Variants in AQR observed in about 807,000 individuals in gnomAD.
AQR encodes the protein aquarius intron-binding spliceosomal factor.
AQR carries 61 observed loss-of-function variants against 180.5 expected under a neutral mutation model. The ratio of observed to expected loss-of-function variants is 0.34; its 90% CI spans 0.28 to 0.42. AQR has a LOEUF of 0.42. Among genes scored for constraint, AQR ranks in the 10% least tolerant of loss-of-function variants. The pLI, the probability that AQR is intolerant of heterozygous loss-of-function variation, is 1.00. For synonymous variants in AQR, 551 were observed against 588.8 expected, an observed-to-expected ratio of 0.94 and a Z score of 0.93; for missense variants, 1,281 against 1,798.3, an observed-to-expected ratio of 0.71 and a Z score of 5.20.
chr15:34,920,735 G>T (rs1431009544), intron 13 of AQR, among the ~76,000 whole-genome samples: 1 of 152,168 alleles, frequency 6.6e-6, no homozygotes, highest in Non-Finnish European at 1.5e-5. Context: ...GAGGCAGGCA[G>T]ATCCCGGGGT....
At chr15:34,931,484 A>G (rs1279286207) in intron 11 of AQR, among the ~76,000 whole-genome samples, 2 of 152,030 alleles carry the variant, frequency 1.3e-5, no homozygotes, top group Non-Finnish European at 2.9e-5. Context: ...CTATGATCTC[A>G]TTGAAAGATA....
At position 34,860,172 on chromosome 15, in the gene AQR, A is replaced by C; in HGVS notation, c.4030-17T>G. ...CTCTCCATTCTAGAAGAAGGAAAAA[A>C]GAACGTTAAGTATCTAGTAAAACAA... On this transcript the variant is annotated splice_polypyrimidine_tract_variant and intron_variant, in intron 33 of 34. Coordinates refer to ENST00000156471, the MANE Select transcript of AQR (RefSeq NM_014691.3). 1.4e-6 allele frequency: 2 copies of C among 1,380,400 alleles called. No individual in the cohort carries two copies. Among genetic ancestry groups the C allele is most frequent in the Non-Finnish European group, 2.0e-6 (2 of 1,015,412 alleles). 85.5% of individuals were successfully genotyped at this position (1,380,400 alleles called of 1,614,324 possible).
intron 5 of AQR, among the ~76,000 whole-genome samples, chr15:34,945,667 T>C (rs368598467): frequency 1.7e-4 from 26 of 152,374 alleles, no homozygotes; most frequent in African/African-American, 5.8e-4. Flanking sequence ...TGAGCTCTAA[T>C]GTGCCCTGAG....
intron 5 of AQR, among the ~76,000 whole-genome samples, chr15:34,945,501 A>C (rs1894097019): frequency 1.3e-5 from 2 of 152,168 alleles, no homozygotes; most frequent in South Asian, 4.1e-4. Context: ...TCAAGGCCTA[A>C]TCACCAAAGT....
chr15:34,952,781 C>A, intron 4 of AQR, 104 bp downstream of exon 4: 1 of 801,920 alleles, frequency 1.2e-6, no homozygotes. Context: ...TATAAATCTT[C>A]ACAAATTTAG....
Position 34,906,641 on chromosome 15 carries a change from G to A in AQR, c.1735C>T (p.Arg579Trp), listed in dbSNP as rs1355094006. 12 of 1,613,856 alleles carry A rather than the reference G, an allele frequency of 7.4e-6. No individual in the cohort carries two copies. The highest frequency in any genetic ancestry group is 2.2e-5 in the East Asian group (1 of 44,878). Residue 579 changes from arginine to tryptophan, a missense_variant, in exon 18 of 35, where the codon CGG becomes TGG. Physicochemically the swap from Arg to Trp is moderately radical, Grantham distance 101. This residue lies in a region of AQR where 200 missense variants were observed against 293.4 expected (regional missense o/e 0.68). Transcript: ENST00000156471. ...ACCTGCTCAATAAAAGGTCTCCTCC[G>A]GTCAAACTTAGTGCCATAAGGTTTT... ...PTKPYGTKFDRRRPFIEQVGL... is the reference protein window; with the variant it reads ...PTKPYGTKFDWRRPFIEQVGL...
intron 15 of AQR, among the ~76,000 whole-genome samples, chr15:34,916,952 A>T (rs557673749): frequency 1.1e-3 from 174 of 152,008 alleles, no homozygotes; most frequent in Admixed American, 1.7e-3. Flanking sequence ...AGTAAAAGAC[A>T]TTTTTTTAAT....
At chr15:34,943,444 A>AAAAT (rs3062307) in intron 6 of AQR, 5,676 of 512,090 alleles carry the variant, frequency 0.011, 54 homozygotes, top group African/African-American at 0.029. Flanking sequence ...GTTTATGTTC[A>AAAAT]AAATAAATAA....
chr15:34,936,867 A>G (rs957444675), intron 9 of AQR, among the ~76,000 whole-genome samples: 6 of 152,126 alleles, frequency 3.9e-5, no homozygotes, highest in Non-Finnish European at 8.8e-5. Flanking sequence ...AGAGATATCA[A>G]TTTTTATTAC....
At chr15:34,906,387 G>T in intron 18 of AQR, 158 bp downstream of exon 18, 2 of 774,674 alleles carry the variant, frequency 2.6e-6, no homozygotes, top group South Asian at 2.0e-5. Flanking sequence ...ATCTAAAACT[G>T]CACGGTAGGT....
intron 14 of AQR, 79 bp downstream of exon 14, chr15:34,920,253 A>G (rs1020049898): frequency 1.8e-5 from 18 of 998,036 alleles, no homozygotes; most frequent in East Asian, 5.3e-5. Flanking sequence ...AAAAAAATCT[A>G]TATGAACCTA....
At chr15:34,890,115 T>C in intron 24 of AQR, 100 bp downstream of exon 24, 1 of 1,020,726 alleles carries the variant, frequency 9.8e-7, no homozygotes. Flanking sequence ...CCTTTCAGAA[T>C]TAAGTTTCAG....
chr15:34,965,863 G>A (rs780446210), intron 1 of AQR, among the ~76,000 whole-genome samples: 48 of 152,124 alleles, frequency 3.2e-4, no homozygotes, highest in Non-Finnish European at 6.8e-4. Context: ...TGTTATGATG[G>A]ACTCAGGAAA....
intron 9 of AQR, among the ~76,000 whole-genome samples, chr15:34,936,717 A>T (rs920314100): frequency 7.3e-6 from 1 of 137,434 alleles, no homozygotes; most frequent in African/African-American, 2.6e-5. Context: ...CTCCATCTTT[A>T]AAAAAAAAAA....
chr15:34,950,084 C>CT (rs1174370425), intron 4 of AQR, among the ~76,000 whole-genome samples: 2,055 of 74,150 alleles, frequency 0.028, 179 homozygotes, highest in African/African-American at 0.073. Context: ...TGCTATTTTC[C>CT]TTTTTTTTTT....
chr15:34,915,139 A>T lies in AQR; in HGVS notation c.1383T>A (p.Thr461=), dbSNP rs1482032917. 9 of 1,605,960 alleles carry T rather than the reference A, an allele frequency of 5.6e-6. No individual in the cohort carries two copies. The highest frequency in any genetic ancestry group is 7.6e-6 in the Non-Finnish European group (9 of 1,177,946). ...AGTTCCTTAGCAGGTAGTCATGAAG[A>T]GTCAAAAACTGCAAATTCAATTTGG... ...ALPKLNLQFL[T]LHDYLLRNFN... Residue 461 remains threonine, a synonymous_variant, in exon 16 of 35, where the codon ACT becomes ACA. Coordinates refer to ENST00000156471, the MANE Select transcript of AQR (RefSeq NM_014691.3).
chr15:34,864,271 C>T (rs74575687), intron 32 of AQR, among the ~76,000 whole-genome samples: 4,277 of 151,958 alleles, frequency 0.028, 193 homozygotes, highest in African/African-American at 0.093. Flanking sequence ...TCTTGTGCTA[C>T]GTGTATGTGT....
intron 4 of AQR, 39 bp downstream of exon 4, chr15:34,952,846 A>C: frequency 7.2e-7 from 1 of 1,380,028 alleles, no homozygotes; most frequent in Non-Finnish European, 1.0e-6. Flanking sequence ...AACTGAAATC[A>C]CATTATCTCT....
At chr15:34,945,828 G>A (rs12900893) in intron 5 of AQR, among the ~76,000 whole-genome samples, 67,032 of 152,090 alleles carry the variant, frequency 0.44, 17,833 homozygotes, top group Non-Finnish European at 0.6. Context: ...TGGAAGAGAA[G>A]AAACTCTTGA....
Sources: gnomAD v4.1 joint callset for allele counts (sites outside exome capture counted in the v4.1 genomes callset) on GRCh38, gnomAD v4.1.1 for gene constraint, gnomAD v4.1.1 regional missense constraint, MANE v1.5 for transcripts, NCBI Gene and HGNC (gene_info 2026-07-23, HGNC 2026-07-21) for gene names.